Variants in IGF1R observed in about 807,000 individuals in gnomAD.
IGF1R encodes insulin like growth factor 1 receptor.
In IGF1R, 44 loss-of-function variants were observed where a neutral mutation model predicts 144.6. The ratio of observed to expected loss-of-function variants is 0.30; its 90% CI spans 0.24 to 0.39. The LOEUF (loss-of-function observed/expected upper bound fraction) is 0.39, where lower values mean the gene tolerates loss of function less well. Ranked by LOEUF, IGF1R falls within the 10% of genes least tolerant of loss-of-function variation. The pLI is 1.00. For missense variants in IGF1R, 1,355 were observed against 1,833.7 expected, an observed-to-expected ratio of 0.74 and a Z score of 4.77; for synonymous variants, 795 against 722.8, an observed-to-expected ratio of 1.10 and a Z score of -1.60.
chr15:98,887,405 A>G (rs2013692802), intron 2 of IGF1R, among the ~76,000 whole-genome samples: 3 of 144,190 alleles, frequency 2.1e-5, no homozygotes, highest in African/African-American at 2.7e-5. Flanking sequence ...GCAGAGGGAC[A>G]TTTTTCTGTT....
intron 10 of IGF1R, among the ~76,000 whole-genome samples, chr15:98,919,436 A>G (rs950069408): frequency 2.0e-5 from 3 of 152,186 alleles, no homozygotes; most frequent in African/African-American, 7.2e-5. Flanking sequence ...GGTTTTGGAA[A>G]GATTTTGCTG....
At chr15:98,916,947 A>T (rs1289403639) in intron 10 of IGF1R, 71 bp downstream of exon 10, 2 of 1,331,356 alleles carry the variant, frequency 1.5e-6, no homozygotes, top group East Asian at 2.3e-5. Context: ...CTTTCTCCCC[A>T]CCAGGTAGTG....
At chr15:98,869,329 A>G (rs2012648323) in intron 2 of IGF1R, among the ~76,000 whole-genome samples, 1 of 150,762 alleles carries the variant, frequency 6.6e-6, no homozygotes, top group Admixed American at 6.6e-5. Context: ...AAAAAACACC[A>G]CATACCGCAT....
chr15:98,680,541 C>T (rs901952322), intron 1 of IGF1R, among the ~76,000 whole-genome samples: 3 of 152,060 alleles, frequency 2.0e-5, no homozygotes, highest in African/African-American at 4.8e-5. Flanking sequence ...GCTGGGATTA[C>T]AGGCGTGAGC....
intron 2 of IGF1R, among the ~76,000 whole-genome samples, chr15:98,860,069 C>T (rs2012063172): frequency 6.6e-6 from 1 of 152,176 alleles, no homozygotes. Flanking sequence ...GCATGTGCCA[C>T]CATACCTGGC....
intron 2 of IGF1R, among the ~76,000 whole-genome samples, chr15:98,871,326 G>C (rs1202392371): frequency 6.6e-6 from 1 of 152,220 alleles, no homozygotes; most frequent in Non-Finnish European, 1.5e-5. Context: ...CAGGATGCCT[G>C]TCCTAAAATT....
At chr15:98,936,897 T>C (rs1213923855) in intron 17 of IGF1R, among the ~76,000 whole-genome samples, 2 of 152,016 alleles carry the variant, frequency 1.3e-5, no homozygotes, top group Non-Finnish European at 2.9e-5. Flanking sequence ...GTCACTCTCT[T>C]TCTTTCGAGA....
intron 2 of IGF1R, among the ~76,000 whole-genome samples, chr15:98,826,523 T>A (rs2056897420): frequency 1.3e-5 from 2 of 152,228 alleles, no homozygotes; most frequent in South Asian, 4.1e-4. Flanking sequence ...GACTAAAGCT[T>A]AAGTGTATTA....
At chr15:98,833,603 G>A (rs1467381811) in intron 2 of IGF1R, among the ~76,000 whole-genome samples, 1 of 152,218 alleles carries the variant, frequency 6.6e-6, no homozygotes, top group Non-Finnish European at 1.5e-5. Context: ...GGAATAGGGA[G>A]AAGGTATAAC....
chr15:98,950,402 C>G (rs2016728217), intron 20 of IGF1R, among the ~76,000 whole-genome samples: 1 of 152,206 alleles, frequency 6.6e-6, no homozygotes, highest in African/African-American at 2.4e-5. Flanking sequence ...TCACAGGAGG[C>G]AGAAATCAAG....
intron 2 of IGF1R, among the ~76,000 whole-genome samples, chr15:98,847,797 A>G (rs775030997): frequency 2.2e-4 from 33 of 152,350 alleles, no homozygotes; most frequent in Admixed American, 3.9e-4. Flanking sequence ...TTTAGGAGAC[A>G]TACTGAGATG....
At chr15:98,772,595 C>G (rs1425072863) in intron 2 of IGF1R, among the ~76,000 whole-genome samples, 1 of 151,316 alleles carries the variant, frequency 6.6e-6, no homozygotes. Context: ...CTCCTGGGCT[C>G]AAACAGTCCT....
intron 5 of IGF1R, among the ~76,000 whole-genome samples, chr15:98,903,628 C>G (rs2014588257): frequency 6.6e-6 from 1 of 152,178 alleles, no homozygotes; most frequent in African/African-American, 2.4e-5. Flanking sequence ...TCCCCCGACC[C>G]CCAGCCCAAA....
intron 2 of IGF1R, among the ~76,000 whole-genome samples, chr15:98,766,040 T>C (rs1351172720): frequency 3.3e-5 from 5 of 152,132 alleles, no homozygotes; most frequent in African/African-American, 1.2e-4. Flanking sequence ...AGGTGTTCTC[T>C]ACAGACTGCA....
At chr15:98,849,043 AT>A (rs145893809) in intron 2 of IGF1R, among the ~76,000 whole-genome samples, 1 of 152,136 alleles carries the variant, frequency 6.6e-6, no homozygotes, top group African/African-American at 2.4e-5. Flanking sequence ...AATACAACAG[AT>A]TTTTTTCTTT....
chr15:98,698,338 C>T (rs1230189448), intron 1 of IGF1R, among the ~76,000 whole-genome samples: 1 of 152,196 alleles, frequency 6.6e-6, no homozygotes, highest in Non-Finnish European at 1.5e-5. Flanking sequence ...CGCCCACCGG[C>T]CTCCCATCTT....
intron 1 of IGF1R, chr15:98,660,115 AT>A (rs1240170744): frequency 6.6e-6 from 1 of 152,154 alleles, no homozygotes; most frequent in African/African-American, 2.4e-5. Flanking sequence ...GCCTTTTATT[AT>A]TTTTAATTCG....
At chr15:98,920,285 G>A (rs1322599023) in intron 10 of IGF1R, among the ~76,000 whole-genome samples, 3 of 152,190 alleles carry the variant, frequency 2.0e-5, no homozygotes, top group African/African-American at 7.2e-5. Flanking sequence ...TCCAGATAAT[G>A]TTCTGTGTCA....
intron 2 of IGF1R, among the ~76,000 whole-genome samples, chr15:98,870,355 A>AT (rs1205128019): frequency 6.6e-6 from 1 of 152,252 alleles, no homozygotes; most frequent in Non-Finnish European, 1.5e-5. Flanking sequence ...GGATGTTATC[A>AT]TAAAATGATG....
Sources: allele counts gnomAD v4.1 joint callset (sites outside exome capture counted in the v4.1 genomes callset), GRCh38; gene constraint gnomAD v4.1.1; transcripts MANE v1.5; gene names NCBI Gene and HGNC (gene_info 2026-07-23, HGNC 2026-07-21).